Variants in CDH18 observed in about 807,000 individuals in gnomAD.
CDH18 encodes cadherin 18.
A neutral mutation model predicts 67.9 loss-of-function variants in CDH18; 31 were observed. The observed-to-expected ratio is 0.46, with a 90% CI of 0.34 to 0.62. The LOEUF is 0.62. Among genes scored for constraint, CDH18 ranks in the 20% least tolerant of loss-of-function variants. CDH18 has a pLI of 0.01. For synonymous variants in CDH18, 362 were observed against 347.2 expected (o/e 1.04, Z -0.48); for missense variants, 890 against 975.5 (o/e 0.91, Z 1.17).
At chr5:20,476,002 C>G (rs927998601) in intron 1 of CDH18, among the ~76,000 whole-genome samples, 1 of 152,094 alleles carries the variant, frequency 6.6e-6, no homozygotes, top group Non-Finnish European at 1.5e-5. Context: ...AGAAGAACAC[C>G]ATAAGATGTG....
intron 1 of CDH18, among the ~76,000 whole-genome samples, chr5:20,380,514 G>A (rs1406342887): frequency 1.3e-5 from 2 of 152,124 alleles, no homozygotes; most frequent in East Asian, 1.9e-4. Flanking sequence ...TTTTTAGCAC[G>A]TAATTTTGTT....
chr5:19,780,739 G>A (rs1775018207), intron 3 of CDH18, among the ~76,000 whole-genome samples: 5 of 151,986 alleles, frequency 3.3e-5, no homozygotes. Flanking sequence ...TTTTCCTCTA[G>A]TTTTATTATA....
intron 1 of CDH18, among the ~76,000 whole-genome samples, chr5:20,499,125 T>TAC (rs925589165): frequency 1.5e-4 from 22 of 150,602 alleles, no homozygotes; most frequent in East Asian, 3.9e-4. Context: ...CTCACACACA[T>TAC]ACACACACAC....
At position 19,914,380 on chromosome 5, in the gene CDH18, A is replaced by C. The variant is rs541837394; in HGVS notation, c.-257+66680T>G. 6.6e-5 allele frequency among the ~76,000 whole-genome samples: 10 copies of C among 152,216 alleles called. 1 individual carries two copies. The East Asian group carries it at 1.9e-3, about 29-fold the overall frequency. On this transcript the variant is annotated intron_variant, in intron 2 of 12. Transcript: ENST00000382275. The stretch of plus-strand genomic sequence containing the variant: ...CCTCTATACTCCCAGTAAAAGAAAA[A>C]AGAAAATGCAATTAGCATGACATTA...
chr5:19,494,577 A>T (rs566640375), intron 11 of CDH18, among the ~76,000 whole-genome samples: 1 of 152,278 alleles, frequency 6.6e-6, no homozygotes, highest in South Asian at 2.1e-4. Flanking sequence ...TTAAATTTTC[A>T]TGTTAGCTCA....
intron 5 of CDH18, among the ~76,000 whole-genome samples, chr5:19,674,440 A>C (rs1188144795): frequency 2.0e-5 from 3 of 152,074 alleles, no homozygotes; most frequent in Non-Finnish European, 4.4e-5. Context: ...TTTTAAAATA[A>C]TGTTTAGGAA....
At chr5:19,527,252 T>G (rs1747884785) in intron 9 of CDH18, among the ~76,000 whole-genome samples, 1 of 151,780 alleles carries the variant, frequency 6.6e-6, no homozygotes, top group South Asian at 2.1e-4. Context: ...GTTTTTCCAT[T>G]GTAAAATCTT....
intron 1 of CDH18, among the ~76,000 whole-genome samples, chr5:20,456,569 A>T (rs958135793): frequency 1.3e-5 from 2 of 152,166 alleles, no homozygotes; most frequent in African/African-American, 2.4e-5. Flanking sequence ...AAATTAGTAC[A>T]AAATTCCAAA....
rs550065697 is a variant in CDH18, at chr5:20,532,215, C to T, written c.-580+43247G>A. 7.2e-5 allele frequency among the ~76,000 whole-genome samples: 11 copies of T among 152,148 alleles called. No individual in the cohort carries two copies. The South Asian group carries it at 2.1e-3, about 29-fold the overall frequency. On this transcript the variant is annotated intron_variant, in intron 1 of 14. Coordinates refer to the CDH18 transcript ENST00000507958. ...CTACACAAAATGCTGTGATTCGGTACAATATCCAAAATGTGTGTATTTCAC... is the reference window on the plus strand; with the variant it reads ...CTACACAAAATGCTGTGATTCGGTATAATATCCAAAATGTGTGTATTTCAC...
chr5:20,006,962 A>G (rs1422238308), intron 2 of CDH18, among the ~76,000 whole-genome samples: 4 of 151,934 alleles, frequency 2.6e-5, no homozygotes, highest in African/African-American at 7.2e-5. Context: ...TCATGTAAAT[A>G]TTTTAAGAAC....
intron 2 of CDH18, among the ~76,000 whole-genome samples, chr5:20,017,177 T>A (rs1051500992): frequency 6.6e-6 from 1 of 152,196 alleles, no homozygotes; most frequent in Non-Finnish European, 1.5e-5. Flanking sequence ...AAATACGTAC[T>A]GAAAAACCCT....
intron 2 of CDH18, among the ~76,000 whole-genome samples, chr5:20,116,357 C>CA (rs1043077719): frequency 6.3e-4 from 95 of 150,022 alleles, no homozygotes; most frequent in African/African-American, 1.6e-3. Context: ...CTAAAAAATA[C>CA]AAAAAAAAAT....
chr5:19,697,126 G>A (rs1762633775), intron 5 of CDH18, among the ~76,000 whole-genome samples: 1 of 152,248 alleles, frequency 6.6e-6, no homozygotes, highest in East Asian at 1.9e-4. Context: ...GTAATTTAAT[G>A]CTTGTATTAA....
chr5:19,829,750 G>A (rs1780811801), intron 3 of CDH18, among the ~76,000 whole-genome samples: 1 of 151,498 alleles, frequency 6.6e-6, no homozygotes, highest in Non-Finnish European at 1.5e-5. Context: ...AGCTTGAATA[G>A]CTTGATGCAG....
At chr5:19,838,664 A>T (rs1367952535) in intron 3 of CDH18, 95 bp downstream of exon 3, 1 of 792,608 alleles carries the variant, frequency 1.3e-6, no homozygotes, top group African/African-American at 1.7e-5. Flanking sequence ...AATTTGCTTC[A>T]TTTGTCTATC....
chr5:20,423,024 C>T (rs1747983640), intron 1 of CDH18, among the ~76,000 whole-genome samples: 1 of 151,014 alleles, frequency 6.6e-6, no homozygotes, highest in Non-Finnish European at 1.5e-5. Flanking sequence ...TTTTTTTCTC[C>T]AGAGGAGTTG....
chr5:20,494,848 A>C (rs989432620), intron 1 of CDH18, among the ~76,000 whole-genome samples: 1 of 152,092 alleles, frequency 6.6e-6, no homozygotes, highest in Admixed American at 6.6e-5. Flanking sequence ...GGAGGAAAGG[A>C]GCAGAAGGGA....
intron 1 of CDH18, among the ~76,000 whole-genome samples, chr5:20,434,504 C>A (rs1749016826): frequency 6.6e-6 from 1 of 151,864 alleles, no homozygotes. Context: ...ATCTTGGTAA[C>A]TGGAAGGATT....
intron 2 of CDH18, among the ~76,000 whole-genome samples, chr5:19,886,676 A>G (rs2150071569): frequency 6.6e-6 from 1 of 152,270 alleles, no homozygotes; most frequent in Admixed American, 6.5e-5. Flanking sequence ...ACTTGTTTCA[A>G]TATACACTTC....
Sources: gnomAD v4.1 joint callset for allele counts (sites outside exome capture counted in the v4.1 genomes callset) on GRCh38, gnomAD v4.1.1 for gene constraint, MANE v1.5 for transcripts, NCBI Gene and HGNC (gene_info 2026-07-23, HGNC 2026-07-21) for gene names.